The following NRG1 variants were observed in gnomAD, a reference collection of about 807,000 sequenced individuals.
The protein encoded by NRG1 is neuregulin 1, also known as pro-neuregulin-1, membrane-bound isoform.
NRG1 carries 18 observed loss-of-function variants against 63.8 expected under a neutral mutation model. The ratio of observed to expected loss-of-function variants is 0.28; its 90% CI spans 0.19 to 0.42. NRG1 has a LOEUF of 0.42. NRG1 is among the 10% of genes least tolerant of loss of function. The probability of loss-of-function intolerance (pLI) is 1.00; values close to 1 mark genes in which losing one functional copy is unlikely to be tolerated. For missense variants in NRG1, 762 were observed against 814.7 expected (o/e 0.94, Z 0.79); for synonymous variants, 302 against 301.3 (o/e 1.00, Z -0.02).
chr8:32,298,731 G>A (rs7818140), intron 1 of NRG1, among the ~76,000 whole-genome samples: 63,107 of 123,748 alleles, frequency 0.51, 16,100 homozygotes, highest in East Asian at 0.73. Flanking sequence ...AAAAAAAAAA[G>A]AAAAGAAAAG....
rs139433021 is a variant in NRG1, at chr8:32,632,389, C to T, written c.502+15504C>T. Among the ~76,000 whole-genome samples, 649 of 151,926 alleles carry T rather than the reference C, an allele frequency of 4.3e-3. 3 individuals carry two copies. Among genetic ancestry groups the T allele is most frequent in the African/African-American group, 0.015 (607 of 41,440 alleles). On this transcript the variant is annotated intron_variant, in intron 5 of 11. Transcript: ENST00000356819. ...ACATGGAGAAACCCCGTCTCTACTACAAATACAAAATTAGCCGGGCGTGGT... is the reference window on the plus strand; with the variant it reads ...ACATGGAGAAACCCCGTCTCTACTATAAATACAAAATTAGCCGGGCGTGGT...
chr8:31,724,256 C>T lies in NRG1; in HGVS notation c.37+84825C>T, dbSNP rs1813203161. Among the ~76,000 whole-genome samples, 3 of 152,030 alleles carry T rather than the reference C, an allele frequency of 2.0e-5. No individual in the cohort carries two copies. In the South Asian group the frequency reaches 6.2e-4, roughly 31 times the overall value. ...GACTAATATCTTCAGGCTGGGGATA[C>T]TATGAACAATGGTGTGTTCAGAAAG... On this transcript the variant is annotated intron_variant, in intron 1 of 10. Coordinates refer to the NRG1 transcript ENST00000519301.
intron 1 of NRG1, among the ~76,000 whole-genome samples, chr8:32,529,734 C>T (rs1325039944): frequency 6.6e-6 from 1 of 152,172 alleles, no homozygotes. Context: ...TCCACCTCCA[C>T]ATCATGTCCC....
At chr8:32,634,356 C>T (rs1850923327) in intron 5 of NRG1, among the ~76,000 whole-genome samples, 1 of 152,040 alleles carries the variant, frequency 6.6e-6, no homozygotes, top group African/African-American at 2.4e-5. Flanking sequence ...TTCTGCTAAA[C>T]TGAGTTTGTG....
intron 1 of NRG1, among the ~76,000 whole-genome samples, chr8:31,914,717 T>C (rs1262947492): frequency 6.6e-6 from 1 of 152,182 alleles, no homozygotes; most frequent in East Asian, 1.9e-4. Flanking sequence ...TTTATTTCAA[T>C]CTGGATATTC....
At chr8:32,234,553 A>G (rs1161425657) in intron 1 of NRG1, among the ~76,000 whole-genome samples, 2 of 152,226 alleles carry the variant, frequency 1.3e-5, no homozygotes, top group Non-Finnish European at 2.9e-5. Flanking sequence ...CTCGCTCTAC[A>G]TTCCATATTC....
intron 1 of NRG1, chr8:32,441,264 C>T (rs1232261792): frequency 3.9e-5 from 6 of 152,094 alleles, no homozygotes; most frequent in Non-Finnish European, 8.8e-5. Flanking sequence ...AACGTCCTGG[C>T]ATTCATCCTG....
intron 1 of NRG1, among the ~76,000 whole-genome samples, chr8:32,536,871 C>G (rs1251175250): frequency 8.3e-6 from 1 of 121,044 alleles, no homozygotes; most frequent in Admixed American, 1.2e-4. Flanking sequence ...TTGCAGTGAG[C>G]GGAGATGCGC....
intron 1 of NRG1, among the ~76,000 whole-genome samples, chr8:31,822,552 TC>T (rs1824107555): frequency 6.6e-6 from 1 of 152,202 alleles, no homozygotes; most frequent in African/African-American, 2.4e-5. Context: ...CCACTAGGCC[TC>T]CCAGTCGTAC....
intron 5 of NRG1, among the ~76,000 whole-genome samples, chr8:32,661,471 CAGAG>C (rs942433249): frequency 7.9e-5 from 12 of 152,146 alleles, no homozygotes; most frequent in African/African-American, 2.7e-4. Flanking sequence ...ATTTTAAAAA[CAGAG>C]AGATCTTGTA....
At chr8:31,754,192 A>G (rs1390620854) in intron 1 of NRG1, among the ~76,000 whole-genome samples, 1 of 152,108 alleles carries the variant, frequency 6.6e-6, no homozygotes, top group East Asian at 1.9e-4. Flanking sequence ...CCCATGTAAT[A>G]TAGTCTGAAT....
intron 1 of NRG1, among the ~76,000 whole-genome samples, chr8:32,445,463 T>G (rs373474040): frequency 9.2e-5 from 14 of 152,148 alleles, no homozygotes; most frequent in African/African-American, 3.1e-4. Context: ...GCTGGTACAT[T>G]TCTTCATTTC....
At chr8:31,865,165 GA>G (rs141449955) in intron 1 of NRG1, among the ~76,000 whole-genome samples, 22,904 of 151,946 alleles carry the variant, frequency 0.15, 2,042 homozygotes, top group Non-Finnish European at 0.19. Context: ...TGGTGGATCT[GA>G]ATACCAGGCA....
chr8:31,756,171 G>A (rs900904641), intron 1 of NRG1, among the ~76,000 whole-genome samples: 7 of 151,990 alleles, frequency 4.6e-5, no homozygotes, highest in South Asian at 2.1e-4. Flanking sequence ...CTCAATTCAC[G>A]TCTCACATTT....
chr8:31,741,818 T>C (rs1815306001), intron 1 of NRG1, among the ~76,000 whole-genome samples: 2 of 152,010 alleles, frequency 1.3e-5, no homozygotes, highest in African/African-American at 4.8e-5. Context: ...TATTTACAGG[T>C]TAGTAGTACC....
At chr8:32,390,233 C>G (rs188851608) in intron 1 of NRG1, among the ~76,000 whole-genome samples, 11 of 152,250 alleles carry the variant, frequency 7.2e-5, no homozygotes, top group Admixed American at 3.3e-4. Flanking sequence ...ACCCATTTCA[C>G]TTAGATAAGT....
At chr8:32,237,060 C>T (rs867502958) in intron 1 of NRG1, among the ~76,000 whole-genome samples, 2 of 152,182 alleles carry the variant, frequency 1.3e-5, no homozygotes, top group Non-Finnish European at 2.9e-5. Flanking sequence ...CTTCAGGGAT[C>T]GCCTCCTTAA....
intron 1 of NRG1, among the ~76,000 whole-genome samples, chr8:32,140,372 T>G (rs772677670): frequency 3.3e-5 from 5 of 152,172 alleles, no homozygotes; most frequent in Non-Finnish European, 7.4e-5. Context: ...TCCCTTTCAG[T>G]CAGGTAGATA....
intron 5 of NRG1, among the ~76,000 whole-genome samples, chr8:32,632,734 G>T (rs1298072302): frequency 6.6e-6 from 1 of 152,066 alleles, no homozygotes; most frequent in Non-Finnish European, 1.5e-5. Context: ...GATACAGGAT[G>T]TTCATCCTGA....
Sources: gnomAD v4.1 joint callset for allele counts (sites outside exome capture counted in the v4.1 genomes callset) on GRCh38, gnomAD v4.1.1 for gene constraint, MANE v1.5 for transcripts, NCBI Gene and HGNC (gene_info 2026-07-23, HGNC 2026-07-21) for gene names.